Variants in CLIC2 observed in about 807,000 individuals in gnomAD.
CLIC2 encodes CLIC family member 2.
In CLIC2, 9 loss-of-function variants were observed where a neutral mutation model predicts 14.8. The ratio of observed to expected loss-of-function variants is 0.61; its 90% CI spans 0.37 to 1.06. CLIC2 has a LOEUF of 1.06. CLIC2 is among the 50% of genes least tolerant of loss of function. The pLI is 0.01. For synonymous variants in CLIC2, 61 were observed against 66.3 expected, an observed-to-expected ratio of 0.92 and a Z score of 0.39; for missense variants, 148 against 181.4, an observed-to-expected ratio of 0.82 and a Z score of 1.06.
At chrX:155,309,085 G>A (rs1322457887) in intron 1 of CLIC2, among the ~76,000 whole-genome samples, 2 of 111,706 alleles carry the variant, frequency 1.8e-5, no homozygotes, top group African/African-American at 3.3e-5. Flanking sequence ...CTACAACAAT[G>A]TTTTGAGACA....
intron 1 of CLIC2, among the ~76,000 whole-genome samples, chrX:155,305,451 C>T (rs1358360491): frequency 1.8e-5 from 2 of 112,297 alleles, no homozygotes; most frequent in African/African-American, 3.2e-5. Flanking sequence ...GGTGCACGCA[C>T]CCACTGACCT....
In CLIC2 at chrX:155,283,078, A is replaced by C. The variant is rs782587873; in HGVS notation, c.294-3010T>G. Among the ~76,000 whole-genome samples, 6 of 112,134 alleles carry C rather than the reference A, an allele frequency of 5.4e-5. 1 individual carries two copies. The Admixed American group carries it at 5.6e-4, about 11-fold the overall frequency. ...CCCCAGGCTTCAGGCCCGACCCAGA[A>C]CTAAGCTGGCTTCTTCAACCCCAGA... On this transcript the variant is annotated intron_variant, in intron 3 of 5. Coordinates refer to ENST00000369449, the MANE Select transcript of CLIC2 (RefSeq NM_001289.6).
chrX:155,278,557 TTTAA>T (rs2074907065), intron 5 of CLIC2, among the ~76,000 whole-genome samples: 1 of 112,820 alleles, frequency 8.9e-6, no homozygotes, highest in African/African-American at 3.2e-5. Flanking sequence ...CTTTAATTTA[TTTAA>T]TTCTCTTAAC....
At chrX:155,316,231 C>T (rs1371632270) in intron 1 of CLIC2, among the ~76,000 whole-genome samples, 3 of 111,643 alleles carry the variant, frequency 2.7e-5, no homozygotes, top group Non-Finnish European at 5.7e-5. Flanking sequence ...AACAAATAAA[C>T]CATCAACTTA....
rs782338105 is a variant in CLIC2 at position 155,277,225 on chromosome X, T to C, written c.*678A>G. 8 of 112,182 alleles carry C rather than the reference T, an allele frequency of 7.1e-5. No individual in the cohort carries two copies. The highest frequency in any genetic ancestry group is 2.6e-4 in the African/African-American group (8 of 30,988). 9.2% of individuals were successfully genotyped at this position (112,182 alleles called of 1,213,427 possible). A position where few individuals can be genotyped will look rare whatever the true frequency, so the allele number is the denominator to read the frequency against. ...CTATGAATAAAAGATTCAGTTGACT[T>C]TGTTTCTTATATTGTTTTTTAAAAT... On this transcript the variant is annotated 3_prime_UTR_variant, in exon 6 of 6. Coordinates refer to ENST00000369449, the MANE Select transcript of CLIC2 (RefSeq NM_001289.6).
chrX:155,279,370 G>A, intron 4 of CLIC2, 40 bp from the exon 5 acceptor site: 1 of 1,004,479 alleles, frequency 1.0e-6, no homozygotes, highest in Non-Finnish European at 1.4e-6. Context: ...TAAATGTATT[G>A]TCTTTTGACT....
At chrX:155,298,654 G>T in intron 3 of CLIC2, 131 bp downstream of exon 3, 1 of 657,269 alleles carries the variant, frequency 1.5e-6, no homozygotes, top group Non-Finnish European at 2.5e-6. Context: ...GTATGTTTAT[G>T]CATGTGTGTC....
chrX:155,317,913 A>G (rs1438957942), intron 1 of CLIC2, among the ~76,000 whole-genome samples: 1 of 112,281 alleles, frequency 8.9e-6, no homozygotes, highest in Admixed American at 9.5e-5. Flanking sequence ...CTGCAAGTTA[A>G]CAAATGTCAT....
At chrX:155,321,018 A>G (rs1467800246) in intron 1 of CLIC2, among the ~76,000 whole-genome samples, 4 of 111,579 alleles carry the variant, frequency 3.6e-5, no homozygotes, top group African/African-American at 1.3e-4. Flanking sequence ...TAGAGAAAAA[A>G]GAATGAAAAG....
chrX:155,305,049 C>T (rs2075046091), intron 1 of CLIC2, among the ~76,000 whole-genome samples: 1 of 112,120 alleles, frequency 8.9e-6, no homozygotes, highest in Admixed American at 9.4e-5. Flanking sequence ...CTATGCCCTG[C>T]CCCCAGAGGT....
rs1260657594 is a variant in CLIC2 at position 155,277,917 on chromosome X, T to C, written c.730A>G (p.Lys244Glu). ...TAAGAGCTCTCCTAACTCTTCTGTT[T>C]AGCCACATTTGCGTAAGTATTTTCA... Reference protein sequence around the residue: ...EIENTYANVAKQKS With the variant: ...EIENTYANVAEQKS Residue 244 changes from lysine to glutamate, a missense_variant, in exon 6 of 6, where the codon AAA becomes GAA. Physicochemically the swap from Lys to Glu is moderately conservative, Grantham distance 56. Coordinates refer to ENST00000369449, the MANE Select transcript of CLIC2 (RefSeq NM_001289.6). The C allele has an allele frequency of 1.7e-5, 20 of 1,207,753 alleles. No homozygotes were observed. The highest frequency in any genetic ancestry group is 2.0e-5 in the Non-Finnish European group (18 of 893,161).
rs1307243081 is a variant in CLIC2 at position 155,277,338 on chromosome X, T to A, written c.*565A>T. 1 of 111,591 alleles carries A rather than the reference T, an allele frequency of 9.0e-6. No homozygotes were observed. The highest frequency in any genetic ancestry group is 1.9e-5 in the Non-Finnish European group (1 of 53,159). 9.2% of individuals were successfully genotyped at this position (111,591 alleles called of 1,213,427 possible). On this transcript the variant is annotated 3_prime_UTR_variant, in exon 6 of 6. Transcript: ENST00000369449. ...ATTCTCATCTCTGACCATGAGGTGG[T>A]CATAGTTCTAGGCGTCAAATGCTGT...
chrX:155,277,565 C>T lies in CLIC2; in HGVS notation c.*338G>A, dbSNP rs950372577. On this transcript the variant is annotated 3_prime_UTR_variant, in exon 6 of 6. Coordinates refer to ENST00000369449, the MANE Select transcript of CLIC2 (RefSeq NM_001289.6). Reference sequence around the variant, plus strand: ...TTCTAAGGAGCAGGGTGAGATTGTACCTCTACTTATGACATTTATAACTGC... The same window carrying T: ...TTCTAAGGAGCAGGGTGAGATTGTATCTCTACTTATGACATTTATAACTGC... 3.0e-5 allele frequency: 5 copies of T among 168,586 alleles called. No individual in the cohort carries two copies. Among genetic ancestry groups the T allele is most frequent in the Non-Finnish European group, 5.5e-5 (5 of 90,698 alleles). 13.9% of individuals were successfully genotyped at this position (168,586 alleles called of 1,213,427 possible). A position where few individuals can be genotyped will look rare whatever the true frequency, so the allele number is the denominator to read the frequency against.
chrX:155,283,572 G>A (rs1461741306), intron 3 of CLIC2, among the ~76,000 whole-genome samples: 3 of 111,119 alleles, frequency 2.7e-5, no homozygotes, highest in Non-Finnish European at 3.8e-5. Flanking sequence ...CCCCCCGACA[G>A]GCCCCGGTGT....
At chrX:155,299,900 A>G (rs1237341967) in intron 1 of CLIC2, among the ~76,000 whole-genome samples, 28 of 109,904 alleles carry the variant, frequency 2.5e-4, no homozygotes, top group African/African-American at 8.3e-4. Flanking sequence ...TACAAAGGAC[A>G]TGAACTCCTC....
rs2075166922 is a variant in CLIC2 at position 155,334,359 on chromosome X, T to A, written c.57+12A>T. On this transcript the variant is annotated intron_variant, in intron 1 of 5. Coordinates refer to ENST00000369449, the MANE Select transcript of CLIC2 (RefSeq NM_001289.6). ...ATATTCTACATGCAGTTATTATAAC[T>A]GGAAAACTTACCTTTACAAAAAGCT... 8.4e-7 allele frequency: 1 copy of A among 1,190,011 alleles called. No individual in the cohort carries two copies. Among genetic ancestry groups the A allele is most frequent in the African/African-American group, 1.8e-5 (1 of 56,932 alleles).
At chrX:155,304,784 G>T (rs1412694786) in intron 1 of CLIC2, among the ~76,000 whole-genome samples, 3 of 76,566 alleles carry the variant, frequency 3.9e-5, no homozygotes, top group African/African-American at 1.1e-4. Flanking sequence ...CTGTTTGTTA[G>T]TTTTCCTTCT....
intron 3 of CLIC2, among the ~76,000 whole-genome samples, chrX:155,293,651 T>G (rs930338674): frequency 1.2e-4 from 13 of 111,828 alleles, no homozygotes; most frequent in Non-Finnish European, 2.3e-4. Context: ...ATAATCCAAC[T>G]ACATAGTACT....
In CLIC2 at chrX:155,276,212, T is replaced by C. The variant is rs781868057; in HGVS notation, c.*1691A>G. The C allele has an allele frequency of 4.1e-4, 46 of 111,752 alleles. No homozygotes were observed. The highest frequency in any genetic ancestry group is 6.4e-4 in the Non-Finnish European group (34 of 53,036). The allele number at this position is 111,752 out of a possible 1,213,427, so 9.2% of individuals were successfully genotyped here. On this transcript the variant is annotated 3_prime_UTR_variant, in exon 6 of 6. Coordinates refer to ENST00000369449, the MANE Select transcript of CLIC2 (RefSeq NM_001289.6). ...TTTTTCTTTTAAACCAAGAGTTAAT[T>C]GAAGGTTTTTAAAATTTATTTTTTA...
Sources: gnomAD v4.1 joint callset for allele counts (sites outside exome capture counted in the v4.1 genomes callset) on GRCh38, gnomAD v4.1.1 for gene constraint, MANE v1.5 for transcripts, NCBI Gene and HGNC (gene_info 2026-07-23, HGNC 2026-07-21) for gene names.